The following DLG2 variants were observed in gnomAD, a reference collection of about 807,000 sequenced individuals.
DLG2 encodes the protein discs large MAGUK scaffold protein 2.
In DLG2, 45 loss-of-function variants were observed where a neutral mutation model predicts 132.5. The ratio of observed to expected loss-of-function variants is 0.34; its 90% confidence interval spans 0.27 to 0.44. DLG2 has a LOEUF of 0.44. DLG2 is among the 20% of genes least tolerant of loss of function. The pLI is 1.00. For synonymous variants in DLG2, 424 were observed against 419.6 expected (o/e 1.01, Z -0.13); for missense variants, 1,045 against 1,196.9 (o/e 0.87, Z 1.87).
chr11:84,377,782 T>C (rs1381589229), intron 7 of DLG2, among the ~76,000 whole-genome samples: 1 of 152,178 alleles, frequency 6.6e-6, no homozygotes, highest in African/African-American at 2.4e-5. Flanking sequence ...AATGTTTAAC[T>C]AATTTGAACA....
intron 6 of DLG2, among the ~76,000 whole-genome samples, chr11:84,963,361 T>A (rs1480415464): frequency 6.6e-6 from 1 of 152,112 alleles, no homozygotes; most frequent in African/African-American, 2.4e-5. Flanking sequence ...ACATGAAGCA[T>A]TTTGCCCAAG....
At chr11:84,355,017 G>A (rs541611836) in intron 7 of DLG2, among the ~76,000 whole-genome samples, 1 of 152,156 alleles carries the variant, frequency 6.6e-6, no homozygotes, top group East Asian at 1.9e-4. Flanking sequence ...CCTGAACAAG[G>A]TAATGTCTTA....
intron 6 of DLG2, among the ~76,000 whole-genome samples, chr11:84,832,721 T>C (rs551689027): frequency 9.2e-5 from 14 of 151,778 alleles, no homozygotes; most frequent in African/African-American, 2.7e-4. Context: ...TTATGTTATT[T>C]ACCGACCTAA....
chr11:84,648,610 A>G (rs940585897), intron 6 of DLG2, among the ~76,000 whole-genome samples: 7 of 152,064 alleles, frequency 4.6e-5, no homozygotes, highest in Non-Finnish European at 1.0e-4. Context: ...TCGCTCATGC[A>G]CTGCTGGGTG....
intron 6 of DLG2, among the ~76,000 whole-genome samples, chr11:84,748,342 C>G (rs1299151875): frequency 1.3e-5 from 2 of 152,118 alleles, no homozygotes; most frequent in African/African-American, 2.4e-5. Context: ...TCAAGTAGCT[C>G]ATAATCACAT....
intron 3 of DLG2, among the ~76,000 whole-genome samples, chr11:85,512,070 C>G (rs1476564927): frequency 1.3e-5 from 2 of 152,014 alleles, no homozygotes; most frequent in African/African-American, 4.8e-5. Flanking sequence ...AATAGGAGAT[C>G]CATTTTCAGT....
intron 11 of DLG2, among the ~76,000 whole-genome samples, chr11:84,028,439 A>C (rs2095600971): frequency 6.6e-6 from 1 of 152,006 alleles, no homozygotes; most frequent in African/African-American, 2.4e-5. Context: ...CATTCATCTC[A>C]AAGTGAAACT....
chr11:85,540,863 C>A (rs2075918162), intron 3 of DLG2, among the ~76,000 whole-genome samples: 1 of 152,246 alleles, frequency 6.6e-6, no homozygotes, highest in African/African-American at 2.4e-5. Flanking sequence ...AAGAAGCAAG[C>A]CACATCCCTG....
rs571572171 is a variant in DLG2, at chr11:83,603,449, A to G, written c.1940+29762T>C. Among the ~76,000 whole-genome samples the G allele has an allele frequency of 3.5e-4, 53 of 152,276 alleles. 1 individual carries two copies. The highest frequency in any genetic ancestry group is 2.8e-3 in the Admixed American group (43 of 15,290). ...ACATTGTTATCTTTAGATTTTATTA[A>G]CAGTATCAGTATATATATTGTTATA... On this transcript the variant is annotated intron_variant, in intron 19 of 27. Transcript: ENST00000376104.
At chr11:84,456,746 T>C (rs1225452091) in intron 7 of DLG2, among the ~76,000 whole-genome samples, 2 of 151,240 alleles carry the variant, frequency 1.3e-5, no homozygotes, top group African/African-American at 2.4e-5. Flanking sequence ...ATTTCACTTA[T>C]TTATTTTGTT....
intron 21 of DLG2, among the ~76,000 whole-genome samples, chr11:83,529,575 C>CT (rs34500178): frequency 0.056 from 8,282 of 148,950 alleles, 263 homozygotes; most frequent in South Asian, 0.12. Context: ...TCATGGCACT[C>CT]TTTTTTTTTT....
intron 16 of DLG2, among the ~76,000 whole-genome samples, chr11:83,845,683 G>T (rs114155779): frequency 0.011 from 1,620 of 152,296 alleles, 30 homozygotes; most frequent in African/African-American, 0.038. Context: ...ACTGTGGTTG[G>T]TACTGTGTGG....
intron 16 of DLG2, among the ~76,000 whole-genome samples, chr11:83,842,209 C>T (rs2057702039): frequency 6.6e-6 from 1 of 152,104 alleles, no homozygotes; most frequent in African/African-American, 2.4e-5. Flanking sequence ...CTCAGAGGAT[C>T]CTCTAAACTA....
chr11:83,827,151 A>G (rs2053077477), intron 17 of DLG2, among the ~76,000 whole-genome samples: 1 of 152,126 alleles, frequency 6.6e-6, no homozygotes, highest in Non-Finnish European at 1.5e-5. Flanking sequence ...TATGAGGACC[A>G]CTTCAGGAAA....
intron 18 of DLG2, among the ~76,000 whole-genome samples, chr11:83,729,857 G>T (rs1356375593): frequency 1.3e-5 from 2 of 152,086 alleles, no homozygotes; most frequent in Admixed American, 1.3e-4. Flanking sequence ...ATGAACATAT[G>T]ACCATTAAAA....
chr11:84,915,801 G>C (rs753470412), intron 6 of DLG2, among the ~76,000 whole-genome samples: 3 of 151,512 alleles, frequency 2.0e-5, no homozygotes, highest in Admixed American at 2.0e-4. Context: ...CTTTCTGAAC[G>C]GCTAACATTC....
At chr11:83,992,016 C>T (rs2200204) in intron 11 of DLG2, among the ~76,000 whole-genome samples, 34,073 of 151,830 alleles carry the variant, frequency 0.22, 5,729 homozygotes, top group African/African-American at 0.46. Flanking sequence ...AGTGACACAG[C>T]GATTAGAATG....
intron 3 of DLG2, among the ~76,000 whole-genome samples, chr11:85,385,748 T>C (rs1018442409): frequency 1.3e-5 from 2 of 152,184 alleles, no homozygotes; most frequent in Admixed American, 6.5e-5. Context: ...TTTTGAATGA[T>C]GCAAGAAAGA....
intron 3 of DLG2, among the ~76,000 whole-genome samples, chr11:85,449,159 T>A (rs2092133451): frequency 6.6e-6 from 1 of 152,174 alleles, no homozygotes; most frequent in Non-Finnish European, 1.5e-5. Context: ...CTTTTTCTAT[T>A]TATTTTCCTT....
Sources: allele counts gnomAD v4.1 joint callset (sites outside exome capture counted in the v4.1 genomes callset), GRCh38; gene constraint gnomAD v4.1.1; transcripts MANE v1.5; gene names NCBI Gene and HGNC (gene_info 2026-07-23, HGNC 2026-07-21).